Variants in TUBGCP6 observed in about 807,000 individuals in gnomAD.
The protein encoded by TUBGCP6 is gamma-tubulin complex component 6.
TUBGCP6 carries 161 observed loss-of-function variants against 175.8 expected under a neutral mutation model. The ratio of observed to expected loss-of-function variants is 0.92; its 90% CI spans 0.81 to 1.04. The LOEUF is 1.04. Among genes scored for constraint, TUBGCP6 ranks in the 50% least tolerant of loss-of-function variants. The pLI is 0.00. For synonymous variants in TUBGCP6, 1,173 were observed against 1,030.5 expected, an observed-to-expected ratio of 1.14 and a Z score of -2.65; for missense variants, 2,572 against 2,433.0, an observed-to-expected ratio of 1.06 and a Z score of -1.20.
In TUBGCP6 at chr22:50,217,710, T is replaced by C. The variant is rs754248493; in HGVS notation, c.*26A>G. The C allele has an allele frequency of 1.2e-5, 20 of 1,607,560 alleles. No individual in the cohort carries two copies. Among genetic ancestry groups the C allele is most frequent in the Non-Finnish European group, 1.3e-5 (15 of 1,175,538 alleles). On this transcript the variant is annotated 3_prime_UTR_variant, in exon 25 of 25. Coordinates refer to ENST00000248846, the MANE Select transcript of TUBGCP6 (RefSeq NM_020461.4). ...CAGACAGGGTCCGAGAACACCTTTA[T>C]TGTGCACGTCCCCCGCAGAGCAGCC... is the stretch of plus-strand genomic sequence containing the variant.
chr22:50,243,617 C>CAA lies in TUBGCP6; in HGVS notation c.741+100_741+101dup, dbSNP rs375302946. 64,385 of 522,672 alleles carry CAA rather than the reference C, an allele frequency of 0.12. 598 individuals carry two copies. The highest frequency in any genetic ancestry group is 0.15 in the South Asian group (5,022 of 33,586). 32.4% of individuals were successfully genotyped at this position (522,672 alleles called of 1,614,324 possible). On this transcript the variant is annotated intron_variant, in intron 1 of 24. Coordinates refer to ENST00000248846, the MANE Select transcript of TUBGCP6 (RefSeq NM_020461.4). ...TGGGTGACAGAGTGAGACACTGTCT[C>CAA]AAAAAAAAAAAAAAAAAGAAGAAGA...
intron 10 of TUBGCP6, 113 bp downstream of exon 10, chr22:50,225,681 C>A: frequency 7.2e-7 from 1 of 1,385,458 alleles, no homozygotes; most frequent in Non-Finnish European, 9.5e-7. Context: ...ACAGAAAATG[C>A]CAGAAGGGAG....
intron 14 of TUBGCP6, 126 bp from the exon 15 acceptor site, chr22:50,222,228 G>T (rs975869072): frequency 1.7e-6 from 2 of 1,194,448 alleles, no homozygotes; most frequent in Non-Finnish European, 2.4e-6. Flanking sequence ...CTTGTGCTGG[G>T]CTCCAGTGGG....
Position 50,222,013 on chromosome 22 carries a change from C to G in TUBGCP6, c.2484+15G>C, listed in dbSNP as rs2064533770. Reference sequence around the variant, plus strand: ...GAAAACCATAGGGCACCCTGGGTTCCACTCTGCCGCTTACCTGGGGGTGCA... The same window carrying G: ...GAAAACCATAGGGCACCCTGGGTTCGACTCTGCCGCTTACCTGGGGGTGCA... On this transcript the variant is annotated intron_variant, in intron 15 of 24. Transcript: ENST00000248846. The G allele has an allele frequency of 6.2e-7, 1 of 1,613,690 alleles. No individual in the cohort carries two copies. The highest frequency in any genetic ancestry group is 8.5e-7 in the Non-Finnish European group (1 of 1,179,906).
rs1437627839 is a variant in TUBGCP6 at position 50,235,236 on chromosome 22, C to A, written c.906-1710G>T. On this transcript the variant is annotated intron_variant, in intron 2 of 24. Transcript: ENST00000248846. ...ACGGCAGCATCATCCACACTCCTGT[C>A]CATGGCAGCATCCACATCCCTGTCC... 3.3e-5 allele frequency among the ~76,000 whole-genome samples: 5 copies of A among 152,326 alleles called. No homozygotes were observed. In the East Asian group the frequency reaches 5.8e-4, roughly 18 times the overall value.
rs761241465 is a variant in TUBGCP6 at position 50,222,456 on chromosome 22, G to A, written c.2407C>T (p.Gln803Ter). ...RFLLEDEKHI[Q>*]EMLKAVSEAH... Reference sequence around the variant, plus strand: ...GCCATCTGAAGCCGCAGACATACCTGAATGTGTTTCTCATCTTCTAAGAGA... The same window carrying A: ...GCCATCTGAAGCCGCAGACATACCTAAATGTGTTTCTCATCTTCTAAGAGA... Residue 803 changes from glutamine (Q) to a stop codon, truncating the protein, a stop_gained and splice_region_variant, in exon 14 of 25, where the codon CAG becomes TAG. Transcript: ENST00000248846. LOFTEE classifies it high-confidence loss of function. The A allele has an allele frequency of 3.1e-6, 5 of 1,613,674 alleles. No homozygotes were observed. The South Asian group carries it at 4.4e-5, about 14-fold the overall frequency.
chr22:50,217,716 A>G lies in TUBGCP6; in HGVS notation c.*20T>C. 1 of 1,611,078 alleles carries G rather than the reference A, an allele frequency of 6.2e-7. No individual in the cohort carries two copies. The highest frequency in any genetic ancestry group is 2.2e-5 in the East Asian group (1 of 44,842). On this transcript the variant is annotated 3_prime_UTR_variant, in exon 25 of 25. Transcript: ENST00000248846. ...GGGTCCGAGAACACCTTTATTGTGC[A>G]CGTCCCCCGCAGAGCAGCCTCAGGC...
rs540758340 is a variant in TUBGCP6, at chr22:50,219,872, G to A, written c.4168-81C>T. 40 of 1,603,100 alleles carry A rather than the reference G, an allele frequency of 2.5e-5. No individual in the cohort carries two copies. In the Admixed American group the frequency reaches 3.9e-4, roughly 15 times the overall value. On this transcript the variant is annotated intron_variant, in intron 17 of 24. Transcript: ENST00000248846. ...AGCTTGTGCCAAAAAAAGGAAAATC[G>A]CATGTGGGACCCACCCGCGTGACAA...
intron 10 of TUBGCP6, among the ~76,000 whole-genome samples, chr22:50,225,519 A>C (rs1391629662): frequency 6.6e-6 from 1 of 151,918 alleles, no homozygotes; most frequent in African/African-American, 2.4e-5. Context: ...AGCCACCCAG[A>C]CCCAGGAGGA....
At position 50,221,851 on chromosome 22, in the gene TUBGCP6, G is replaced by A. The variant is rs575699491; in HGVS notation, c.2508C>T (p.His836=). The change falls in exon 16 of 25, where the codon CAC becomes CAT. Residue 836 remains histidine, a synonymous_variant. Transcript: ENST00000248846. ...AATCACAGCCTTGGCCTCCCTCTGG[G>A]TGCTCAGGGCCCGGAGACGTGACCT... The part of the protein sequence containing the change: ...HPQVTSPGPE[H]PEGGQGCDSG... 5 of 1,512,164 alleles carry A rather than the reference G, an allele frequency of 3.3e-6. No homozygotes were observed. The highest frequency in any genetic ancestry group is 2.6e-5 in the South Asian group (2 of 75,744). 93.7% of individuals were successfully genotyped at this position (1,512,164 alleles called of 1,614,324 possible). A position where few individuals can be genotyped will look rare whatever the true frequency, so the allele number is the denominator to read the frequency against.
At chr22:50,224,277 G>A (rs752801601) in intron 12 of TUBGCP6, 21 bp from the exon 13 acceptor site, 19 of 1,614,034 alleles carry the variant, frequency 1.2e-5, no homozygotes, top group East Asian at 2.2e-5. Flanking sequence ...CATAGAGCCT[G>A]GCCTGTGAAA....
rs7291133 is a variant in TUBGCP6 at position 50,218,684 on chromosome 22, G to T, written c.4821+19C>A. On this transcript the variant is annotated intron_variant, in intron 21 of 24. Coordinates refer to ENST00000248846, the MANE Select transcript of TUBGCP6 (RefSeq NM_020461.4). Reference sequence around the variant, plus strand: ...GGCAGGCCCCTGTCCCATCCCCCGCGGCCAGGGCTGCTGCTGACCTTGTAC... The same window carrying T: ...GGCAGGCCCCTGTCCCATCCCCCGCTGCCAGGGCTGCTGCTGACCTTGTAC... 59 of 1,613,256 alleles carry T rather than the reference G, an allele frequency of 3.7e-5. No homozygotes were observed. Among genetic ancestry groups the T allele is most frequent in the Non-Finnish European group, 5.9e-6 (7 of 1,179,690 alleles).
chr22:50,226,702 G>C (rs757416184), intron 7 of TUBGCP6, 31 bp downstream of exon 7: 1 of 1,537,134 alleles, frequency 6.5e-7, no homozygotes, highest in East Asian at 2.4e-5. Flanking sequence ...GGGAGTGCGC[G>C]CCCGCCGCGC....
chr22:50,230,777 A>C (rs2064677611), intron 3 of TUBGCP6, among the ~76,000 whole-genome samples: 1 of 149,672 alleles, frequency 6.7e-6, no homozygotes, highest in Non-Finnish European at 1.5e-5. Flanking sequence ...TCCAAAAAAA[A>C]AAAAAAAGAA....
chr22:50,221,142 T>C lies in TUBGCP6; in HGVS notation c.3217A>G (p.Thr1073Ala). 1 of 1,607,466 alleles carries C rather than the reference T, an allele frequency of 6.2e-7. No homozygotes were observed. Among genetic ancestry groups the C allele is most frequent in the South Asian group, 1.1e-5 (1 of 90,920 alleles). Residue 1073 changes from threonine (T) to alanine (A), a missense_variant, in exon 16 of 25, where the codon ACC becomes GCC. Coordinates refer to ENST00000248846, the MANE Select transcript of TUBGCP6 (RefSeq NM_020461.4). Reference sequence around the variant, plus strand: ...CCGTGGGTGTTCCACCGTGGCTGGGTGGGAGCCACATCTGACACATTCTCC... The same window carrying C: ...CCGTGGGTGTTCCACCGTGGCTGGGCGGGAGCCACATCTGACACATTCTCC... ...VGENVSDVAP[T>A]QPRWNTHGHV...
intron 1 of TUBGCP6, among the ~76,000 whole-genome samples, chr22:50,241,967 A>T (rs2064844382): frequency 7.0e-6 from 1 of 143,328 alleles, no homozygotes; most frequent in Non-Finnish European, 1.5e-5. Context: ...GCTGGTCCCT[A>T]CACAAGACTC....
Position 50,221,547 on chromosome 22 carries a change from G to C in TUBGCP6, c.2812C>G (p.Pro938Ala). Reference protein sequence around the residue: ...DLPPSAPGEAPAAASTQPSRP... With the variant: ...DLPPSAPGEAAAAASTQPSRP... ...GAGGGCTGAGTGCTGGCTGCTGCGG[G>C]TGCCTCCCCAGGAGCTGAGGGGGGC... is the stretch of plus-strand genomic sequence containing the variant. The change falls in exon 16 of 25, where the codon CCC (proline) becomes GCC (alanine). Residue 938 changes from proline to alanine, a missense_variant. Pro to Ala is a conservative substitution (Grantham distance 27). Transcript: ENST00000248846. 1.3e-6 allele frequency: 2 copies of C among 1,587,646 alleles called. No homozygotes were observed. Among genetic ancestry groups the C allele is most frequent in the Non-Finnish European group, 1.7e-6 (2 of 1,165,170 alleles).
chr22:50,224,402 C>A lies in TUBGCP6; in HGVS notation c.2084G>T (p.Arg695Leu). 6.2e-7 allele frequency: 1 copy of A among 1,614,172 alleles called. No homozygotes were observed. The highest frequency in any genetic ancestry group is 8.5e-7 in the Non-Finnish European group (1 of 1,180,040). ...SALSDRQMSE[R>L]MALDARKREQ... ...ACGCTTCCGGGCATCCAAGGCCATC[C>A]GTTCTGACATCTGCCGGTCTACATT... is the stretch of plus-strand genomic sequence containing the variant. The change falls in exon 12 of 25, where the codon CGG becomes CTG. Residue 695 changes from arginine to leucine, a missense_variant. Arg to Leu is a moderately radical substitution (Grantham distance 102, BLOSUM62 -2). Coordinates refer to ENST00000248846, the MANE Select transcript of TUBGCP6 (RefSeq NM_020461.4).
chr22:50,236,354 C>T (rs1284495327), intron 2 of TUBGCP6, among the ~76,000 whole-genome samples: 1 of 152,104 alleles, frequency 6.6e-6, no homozygotes, highest in Non-Finnish European at 1.5e-5. Context: ...CCAGGATGGT[C>T]TCGATCTCTT....
Sources: gnomAD v4.1 joint callset for allele counts (sites outside exome capture counted in the v4.1 genomes callset) on GRCh38, gnomAD v4.1.1 for gene constraint, MANE v1.5 for transcripts, NCBI Gene and HGNC (gene_info 2026-07-23, HGNC 2026-07-21) for gene names.